HPSE2: variants seen among roughly 807,000 people sequenced by gnomAD.
HPSE2 encodes the protein heparanase 2 (inactive), also known as inactive heparanase-2.
In HPSE2, 38 loss-of-function variants were observed where a neutral mutation model predicts 60.5. The observed-to-expected ratio is 0.63, with a 90% CI of 0.48 to 0.82. The LOEUF is 0.82. Ranked by LOEUF, HPSE2 falls within the 40% of genes least tolerant of loss-of-function variation. HPSE2 has a pLI of 0.00. For missense variants in HPSE2, 713 were observed against 740.4 expected (o/e 0.96, Z 0.43); for synonymous variants, 295 against 293.2 (o/e 1.01, Z -0.06).
chr10:98,690,564 T>A (rs1193662260), intron 6 of HPSE2, among the ~76,000 whole-genome samples: 2 of 151,910 alleles, frequency 1.3e-5, no homozygotes, highest in African/African-American at 4.8e-5. Context: ...AAAATAATAA[T>A]AATAACTGCA....
chr10:98,852,113 ATGTGTGTG>A lies in HPSE2; in HGVS notation c.611-108065_611-108058del, dbSNP rs1555017138. Among the ~76,000 whole-genome samples the A allele has an allele frequency of 7.9e-4, 73 of 91,964 alleles. 2 individuals carry two copies. The highest frequency in any genetic ancestry group is 1.4e-3 in the Admixed American group (12 of 8,862). 60.3% of individuals were successfully genotyped at this position (91,964 alleles called of 152,430 possible). ...GGTTTTGCAAACCTTGTATATTATG[ATGTGTGTG>A]TGTGTGTGTGTGTGTGTGTGTGTGT... is the stretch of plus-strand genomic sequence containing the variant. On this transcript the variant is annotated intron_variant, in intron 3 of 11. Coordinates refer to ENST00000370552, the MANE Select transcript of HPSE2 (RefSeq NM_021828.5).
chr10:98,528,662 T>A (rs1943042549), intron 9 of HPSE2, among the ~76,000 whole-genome samples: 1 of 152,190 alleles, frequency 6.6e-6, no homozygotes, highest in Non-Finnish European at 1.5e-5. Context: ...ACACCCAGAA[T>A]GAATTTCGGG....
chr10:99,154,531 A>C (rs1353921154), intron 2 of HPSE2, among the ~76,000 whole-genome samples: 8 of 147,684 alleles, frequency 5.4e-5, no homozygotes, highest in Admixed American at 2.8e-4. Context: ...GAAATAAAAT[A>C]CTTTACAGAC....
At chr10:99,186,127 C>CACACACACACACACACACACACACAT (rs1848005217) in intron 2 of HPSE2, among the ~76,000 whole-genome samples, 3 of 147,452 alleles carry the variant, frequency 2.0e-5, no homozygotes, top group African/African-American at 7.5e-5. Flanking sequence ...CACACACACA[C>CACACACACACACACACACACACACAT]ACACACACAC....
At chr10:98,697,903 A>G (rs1240852351) in intron 5 of HPSE2, among the ~76,000 whole-genome samples, 2 of 151,822 alleles carry the variant, frequency 1.3e-5, no homozygotes, top group African/African-American at 4.8e-5. Context: ...AGGCCATTAC[A>G]TAATGGTAAA....
At chr10:98,498,506 T>A (rs1941925975) in intron 9 of HPSE2, among the ~76,000 whole-genome samples, 1 of 152,142 alleles carries the variant, frequency 6.6e-6, no homozygotes, top group Non-Finnish European at 1.5e-5. Context: ...AGCCTTTAGC[T>A]GTAGACCTTC....
chr10:98,698,784 T>A (rs1421320033), intron 5 of HPSE2, among the ~76,000 whole-genome samples: 2 of 151,806 alleles, frequency 1.3e-5, no homozygotes, highest in South Asian at 4.2e-4. Flanking sequence ...ATCAAATAGA[T>A]GCAATAAAAA....
At chr10:98,797,801 G>A (rs909959816) in intron 3 of HPSE2, among the ~76,000 whole-genome samples, 2 of 151,886 alleles carry the variant, frequency 1.3e-5, no homozygotes, top group African/African-American at 2.4e-5. Flanking sequence ...CCGAGATCAC[G>A]CCACTGTACT....
chr10:98,600,924 T>TATATATATATATA (rs1335762703), intron 9 of HPSE2, among the ~76,000 whole-genome samples: 21 of 45,652 alleles, frequency 4.6e-4, no homozygotes, highest in East Asian at 1.9e-3. Context: ...TATATATATA[T>TATATATATATATA]ATATATATAT....
chr10:98,484,779 A>G (rs1017087364), intron 10 of HPSE2, among the ~76,000 whole-genome samples: 5 of 152,268 alleles, frequency 3.3e-5, no homozygotes, highest in African/African-American at 1.2e-4. Context: ...TGAGCATAAG[A>G]TCTTCAGAAG....
the HPSE2 span, among the ~76,000 whole-genome samples, chr10:99,299,390 T>C: frequency 2.0e-5 from 3 of 152,188 alleles, no homozygotes; most frequent in Non-Finnish European, 2.9e-5. Context: ...TTTTCCCATG[T>C]TTGATTTGGC....
At position 98,938,482 on chromosome 10, in the gene HPSE2, G is replaced by T. The variant is rs1488716954; in HGVS notation, c.611-194426C>A. 1.4e-5 allele frequency among the ~76,000 whole-genome samples: 2 copies of T among 144,108 alleles called. 1 individual carries two copies. Among genetic ancestry groups the T allele is most frequent in the African/African-American group, 5.6e-5 (2 of 35,460 alleles). 94.5% of individuals were successfully genotyped at this position (144,108 alleles called of 152,430 possible). A position where few individuals can be genotyped will look rare whatever the true frequency, so the allele number is the denominator to read the frequency against. ...GCCAATGTGATCAACTGGAAGAAAG[G>T]TTATCAGTGATGGAAGATGAAATGA... On this transcript the variant is annotated intron_variant, in intron 3 of 11. Coordinates refer to ENST00000370552, the MANE Select transcript of HPSE2 (RefSeq NM_021828.5).
At chr10:98,901,767 T>C (rs974290872) in intron 3 of HPSE2, among the ~76,000 whole-genome samples, 1 of 152,330 alleles carries the variant, frequency 6.6e-6, no homozygotes, top group Non-Finnish European at 1.5e-5. Flanking sequence ...CACTTTTGAA[T>C]GATTTTAAGC....
chr10:98,621,382 G>T (rs1946069616), intron 7 of HPSE2, among the ~76,000 whole-genome samples: 2 of 152,130 alleles, frequency 1.3e-5, no homozygotes, highest in Non-Finnish European at 2.9e-5. Flanking sequence ...CCCACAAGAT[G>T]AAGACTGACC....
intron 2 of HPSE2, among the ~76,000 whole-genome samples, chr10:99,186,155 A>ACAC (rs1294707362): frequency 2.2e-5 from 1 of 45,978 alleles, no homozygotes; most frequent in African/African-American, 4.8e-5. Context: ...CACACACACA[A>ACAC]GGCATATCAT....
At chr10:98,768,885 T>C (rs894345246) in intron 3 of HPSE2, among the ~76,000 whole-genome samples, 1 of 152,106 alleles carries the variant, frequency 6.6e-6, no homozygotes. Context: ...ACCTCATCTC[T>C]GCTAAAAATA....
intron 9 of HPSE2, among the ~76,000 whole-genome samples, chr10:98,611,913 G>A (rs773671521): frequency 1.3e-4 from 20 of 152,308 alleles, no homozygotes; most frequent in Non-Finnish European, 1.9e-4. Context: ...CTCTTCCTAT[G>A]AACTTCTATG....
intron 9 of HPSE2, among the ~76,000 whole-genome samples, chr10:98,534,498 G>A (rs1809320): frequency 0.34 from 52,336 of 151,848 alleles, 9,450 homozygotes; most frequent in East Asian, 0.48. Flanking sequence ...TCCGCCTCTT[G>A]GGATCAAGCG....
intron 2 of HPSE2, among the ~76,000 whole-genome samples, chr10:99,201,552 C>A (rs1564890192): frequency 6.6e-6 from 1 of 152,102 alleles, no homozygotes; most frequent in Non-Finnish European, 1.5e-5. Flanking sequence ...CTGATCTCAA[C>A]CCCTACAACT....
Sources: allele counts gnomAD v4.1 joint callset (sites outside exome capture counted in the v4.1 genomes callset), GRCh38; gene constraint gnomAD v4.1.1; transcripts MANE v1.5; gene names NCBI Gene and HGNC (gene_info 2026-07-23, HGNC 2026-07-21).